Variants in LYPLAL1 observed in about 807,000 individuals in gnomAD.
The protein encoded by LYPLAL1 is lysophospholipase like 1, also known as lysophospholipase-like protein 1.
LYPLAL1 carries 23 observed loss-of-function variants against 19.7 expected under a neutral mutation model. The ratio of observed to expected loss-of-function variants is 1.17; its 90% confidence interval spans 0.84 to 1.65. The LOEUF (loss-of-function observed/expected upper bound fraction) is 1.65. Ranked by LOEUF, LYPLAL1 falls within the 40% of genes most tolerant of loss-of-function variation. The probability of loss-of-function intolerance (pLI) is 0.00; values close to 1 mark genes in which losing one functional copy is unlikely to be tolerated. For synonymous variants in LYPLAL1, 119 were observed against 96.3 expected (o/e 1.24, Z -1.38); for missense variants, 355 against 279.4 (o/e 1.27, Z -1.93).
At chr1:219,287,373 T>A in the LYPLAL1 span, among the ~76,000 whole-genome samples, 2 of 152,206 alleles carry the variant, frequency 1.3e-5, no homozygotes, top group Non-Finnish European at 2.9e-5. Flanking sequence ...CAGGTAGGAT[T>A]TGAAAAATCA....
At chr1:219,268,976 C>T in the LYPLAL1 span, among the ~76,000 whole-genome samples, 4 of 152,234 alleles carry the variant, frequency 2.6e-5, no homozygotes, top group African/African-American at 9.6e-5. Flanking sequence ...GCTTAACGTT[C>T]ATTGTAATTA....
chr1:219,283,887 G>T, the LYPLAL1 span, among the ~76,000 whole-genome samples: 1 of 152,168 alleles, frequency 6.6e-6, no homozygotes, highest in Non-Finnish European at 1.5e-5. Flanking sequence ...TTCTATGCCT[G>T]GGCACTAGTC....
chr1:219,262,080 T>G, the LYPLAL1 span, among the ~76,000 whole-genome samples: 1 of 152,116 alleles, frequency 6.6e-6, no homozygotes, highest in Non-Finnish European at 1.5e-5. Context: ...CTGATTGGGT[T>G]AATTCAAAAG....
the LYPLAL1 span, among the ~76,000 whole-genome samples, chr1:219,357,775 G>C: frequency 6.6e-6 from 1 of 152,108 alleles, no homozygotes; most frequent in African/African-American, 2.4e-5. Flanking sequence ...GTTTATAACT[G>C]CCAAAAACTG....
At chr1:219,261,660 A>T in the LYPLAL1 span, among the ~76,000 whole-genome samples, 2 of 152,292 alleles carry the variant, frequency 1.3e-5, no homozygotes, top group Middle Eastern at 6.8e-3. Context: ...CTTGGCTGAT[A>T]GTTATTTTGT....
At chr1:219,268,871 T>C in the LYPLAL1 span, among the ~76,000 whole-genome samples, 1 of 152,248 alleles carries the variant, frequency 6.6e-6, no homozygotes, top group Admixed American at 6.5e-5. Flanking sequence ...GAAGGCTTTC[T>C]GGGATTTATA....
chr1:219,208,378 A>G (rs547596474), intron 3 of LYPLAL1, among the ~76,000 whole-genome samples: 38 of 152,236 alleles, frequency 2.5e-4, no homozygotes, highest in Non-Finnish European at 4.1e-4. Context: ...AATAATTTAC[A>G]CAAAGACATT....
chr1:219,331,496 G>A, the LYPLAL1 span, among the ~76,000 whole-genome samples: 6 of 152,236 alleles, frequency 3.9e-5, no homozygotes, highest in South Asian at 1.2e-3. Flanking sequence ...GACCAGCCAG[G>A]ACTTAACTCA....
chr1:219,249,268 T>C, the LYPLAL1 span, among the ~76,000 whole-genome samples: 49 of 152,198 alleles, frequency 3.2e-4, no homozygotes, highest in East Asian at 9.5e-3. Context: ...ACACAGTATG[T>C]GGCTTATTTT....
the LYPLAL1 span, among the ~76,000 whole-genome samples, chr1:219,368,655 T>C: frequency 6.6e-6 from 1 of 152,166 alleles, no homozygotes; most frequent in African/African-American, 2.4e-5. Flanking sequence ...TTTTCTGTCA[T>C]CCAAAATAAA....
chr1:219,414,323 A>G, the LYPLAL1 span, among the ~76,000 whole-genome samples: 2 of 152,204 alleles, frequency 1.3e-5, no homozygotes, highest in Non-Finnish European at 2.9e-5. Context: ...GCTTGGTGAC[A>G]TTAGGGATAA....
At chr1:219,276,520 G>A in the LYPLAL1 span, among the ~76,000 whole-genome samples, 2 of 152,170 alleles carry the variant, frequency 1.3e-5, no homozygotes, top group South Asian at 2.1e-4. Context: ...GAGCAAAAAC[G>A]CTTCCAATAT....
At chr1:219,201,514 C>A (rs570163838) in intron 3 of LYPLAL1, among the ~76,000 whole-genome samples, 2 of 151,740 alleles carry the variant, frequency 1.3e-5, no homozygotes, top group African/African-American at 4.8e-5. Context: ...AATAAAATTT[C>A]TTTTTGGAAG....
At chr1:219,200,190 G>A (rs971101061) in intron 3 of LYPLAL1, 2 of 253,526 alleles carry the variant, frequency 7.9e-6, no homozygotes, top group Non-Finnish European at 1.6e-5. Flanking sequence ...TGATGAATAA[G>A]ATGGCTTAGA....
chr1:219,285,793 T>C, the LYPLAL1 span, among the ~76,000 whole-genome samples: 3 of 152,168 alleles, frequency 2.0e-5, no homozygotes, highest in Non-Finnish European at 4.4e-5. Context: ...TGAAGCTAGA[T>C]AGAGGTGGTG....
chr1:219,384,060 C>CTTA, the LYPLAL1 span, among the ~76,000 whole-genome samples: 2 of 152,142 alleles, frequency 1.3e-5, no homozygotes, highest in East Asian at 3.9e-4. Flanking sequence ...GCCCATATGT[C>CTTA]TTATAAGACA....
chr1:219,174,661 C>T (rs949831485), intron 1 of LYPLAL1, among the ~76,000 whole-genome samples: 3 of 152,192 alleles, frequency 2.0e-5, no homozygotes, highest in African/African-American at 4.8e-5. Flanking sequence ...ACTTAACACT[C>T]ATCTGTAATC....
chr1:219,333,931 T>G, the LYPLAL1 span, among the ~76,000 whole-genome samples: 1 of 152,084 alleles, frequency 6.6e-6, no homozygotes, highest in East Asian at 1.9e-4. Flanking sequence ...AATCTAATTT[T>G]GAAACCATGA....
At chr1:219,356,820 A>T in the LYPLAL1 span, among the ~76,000 whole-genome samples, 2 of 152,298 alleles carry the variant, frequency 1.3e-5, no homozygotes, top group African/African-American at 4.8e-5. Flanking sequence ...ATTAAAACCC[A>T]CTAATATATT....
Sources: allele counts gnomAD v4.1 joint callset (sites outside exome capture counted in the v4.1 genomes callset), GRCh38; gene constraint gnomAD v4.1.1; transcripts MANE v1.5; gene names NCBI Gene and HGNC (gene_info 2026-07-23, HGNC 2026-07-21).